Variants in WDR72 observed in about 807,000 individuals in gnomAD.
WDR72 encodes WD repeat-containing protein 72.
A neutral mutation model predicts 124.2 loss-of-function variants in WDR72; 120 were observed. That is an observed-to-expected ratio of 0.97 (90% CI 0.83 to 1.12). WDR72 has a LOEUF of 1.12. WDR72 is among the 50% of genes most tolerant of loss of function. WDR72 has a pLI of 0.00. For synonymous variants in WDR72, 452 were observed against 441.7 expected, an observed-to-expected ratio of 1.02 and a Z score of -0.29; for missense variants, 1,387 against 1,278.8, an observed-to-expected ratio of 1.08 and a Z score of -1.29.
At chr15:53,657,139 T>C (rs1200473251) in intron 14 of WDR72, among the ~76,000 whole-genome samples, 1 of 151,208 alleles carries the variant, frequency 6.6e-6, no homozygotes, top group East Asian at 1.9e-4. Flanking sequence ...TGGCATGCAC[T>C]TGTAGTCCCA....
intron 14 of WDR72, among the ~76,000 whole-genome samples, chr15:53,658,141 G>A (rs1276582159): frequency 6.6e-6 from 1 of 152,110 alleles, no homozygotes; most frequent in Non-Finnish European, 1.5e-5. Context: ...AACTAGAAAT[G>A]ATTTAAATAA....
chr15:53,667,950 A>G (rs1595833072), intron 13 of WDR72, among the ~76,000 whole-genome samples: 2 of 152,186 alleles, frequency 1.3e-5, no homozygotes, highest in Non-Finnish European at 2.9e-5. Flanking sequence ...TCATACACAG[A>G]TAATTAATCT....
intron 13 of WDR72, among the ~76,000 whole-genome samples, chr15:53,682,675 G>A (rs114482244): frequency 1.5e-3 from 228 of 152,140 alleles, no homozygotes; most frequent in African/African-American, 5.3e-3. Flanking sequence ...GGCAAAATAC[G>A]GCCAGACTCC....
chr15:53,680,209 A>C (rs1235178586), intron 13 of WDR72, among the ~76,000 whole-genome samples: 1 of 152,202 alleles, frequency 6.6e-6, no homozygotes, highest in Non-Finnish European at 1.5e-5. Flanking sequence ...ATATTAACTC[A>C]TGCATTTAGC....
intron 13 of WDR72, among the ~76,000 whole-genome samples, chr15:53,694,776 C>T (rs79861603): frequency 0.013 from 1,986 of 152,252 alleles, 32 homozygotes; most frequent in East Asian, 0.069. Context: ...CTATACCTGT[C>T]CTGCTTAACA....
intron 13 of WDR72, among the ~76,000 whole-genome samples, chr15:53,686,895 G>A (rs892815280): frequency 6.6e-6 from 1 of 151,764 alleles, no homozygotes; most frequent in Non-Finnish European, 1.5e-5. Context: ...CTAGAGCTCA[G>A]GATTAAGAAT....
chr15:53,719,847 T>C lies in WDR72; in HGVS notation c.260+2955A>G, dbSNP rs932550138. On this transcript the variant is annotated intron_variant, in intron 3 of 19. Coordinates refer to ENST00000360509, the MANE Select transcript of WDR72 (RefSeq NM_182758.4). ...CGCTCAGGATTGAGAAGCACTCACC[T>C]AGCGGCTTCCAAGTCCTGGTGCCCT... 4.6e-5 allele frequency among the ~76,000 whole-genome samples: 7 copies of C among 152,214 alleles called. 1 individual carries two copies. In the South Asian group the frequency reaches 1.4e-3, roughly 31 times the overall value.
intron 14 of WDR72, among the ~76,000 whole-genome samples, chr15:53,647,359 A>C (rs912838069): frequency 6.6e-6 from 1 of 152,104 alleles, no homozygotes; most frequent in Admixed American, 6.6e-5. Flanking sequence ...AATAAACAAT[A>C]CTAATACTGT....
intron 14 of WDR72, among the ~76,000 whole-genome samples, chr15:53,644,287 A>G (rs2014962694): frequency 6.6e-6 from 1 of 151,928 alleles, no homozygotes; most frequent in Non-Finnish European, 1.5e-5. Context: ...GCTTTAGTCT[A>G]TCTTTTCTTG....
At position 53,553,670 on chromosome 15, in the gene WDR72, G is replaced by C. The variant is rs779381287; in HGVS notation, c.3149-30348C>G. ...TATTAACAGCAAGGTGATTTTATGAGAATTTTCTAAAAATGGGAATGAACC... is the reference window on the plus strand; with the variant it reads ...TATTAACAGCAAGGTGATTTTATGACAATTTTCTAAAAATGGGAATGAACC... On this transcript the variant is annotated intron_variant, in intron 18 of 19. Coordinates refer to ENST00000360509, the MANE Select transcript of WDR72 (RefSeq NM_182758.4). Among the ~76,000 whole-genome samples, 13 of 152,220 alleles carry C rather than the reference G, an allele frequency of 8.5e-5. 1 individual carries two copies. Among genetic ancestry groups the C allele is most frequent in the Admixed American group, 1.3e-4 (2 of 15,284 alleles).
chr15:53,733,494 A>G (rs1266715605), intron 1 of WDR72, among the ~76,000 whole-genome samples: 2 of 152,178 alleles, frequency 1.3e-5, no homozygotes, highest in Non-Finnish European at 2.9e-5. Flanking sequence ...GCCTCTCAAG[A>G]AGCATAGAGC....
intron 18 of WDR72, among the ~76,000 whole-genome samples, chr15:53,571,043 GA>G (rs1253257688): frequency 6.6e-6 from 1 of 151,966 alleles, no homozygotes; most frequent in Non-Finnish European, 1.5e-5. Context: ...AACTCAAACA[GA>G]AAGCCAAATA....
intron 3 of WDR72, among the ~76,000 whole-genome samples, chr15:53,722,226 G>C (rs1395146863): frequency 6.6e-6 from 1 of 151,710 alleles, no homozygotes; most frequent in East Asian, 1.9e-4. Context: ...ATAGAGTCAG[G>C]GTTTCGTCAC....
chr15:53,650,176 T>C lies in WDR72; in HGVS notation c.1962+15396A>G, dbSNP rs1431505675. Among the ~76,000 whole-genome samples, 20 of 152,122 alleles carry C rather than the reference T, an allele frequency of 1.3e-4. 1 individual carries two copies. The highest frequency in any genetic ancestry group is 1.3e-3 in the Admixed American group (20 of 15,270). On this transcript the variant is annotated intron_variant, in intron 14 of 19. Transcript: ENST00000360509. ...CCTTGCAGACATATGCTAAGTGAAA[T>C]AAGCAGTCACAGAAAGACAAATATT...
At chr15:53,709,721 C>A (rs549448671) in intron 9 of WDR72, among the ~76,000 whole-genome samples, 1 of 152,140 alleles carries the variant, frequency 6.6e-6, no homozygotes, top group Non-Finnish European at 1.5e-5. Flanking sequence ...TGATGCATGC[C>A]GTAATTATAA....
chr15:53,523,219 TG>T lies in WDR72; in HGVS notation c.3251del (p.Pro1084GlnfsTer10). The T allele has an allele frequency of 6.2e-7, 1 of 1,612,788 alleles. No individual in the cohort carries two copies. Among genetic ancestry groups the T allele is most frequent in the East Asian group, 2.2e-5 (1 of 44,840 alleles). On this transcript the variant is annotated frameshift_variant and splice_region_variant, in exon 19 of 20. Coordinates refer to ENST00000360509, the MANE Select transcript of WDR72 (RefSeq NM_182758.4). LOFTEE classifies it high-confidence loss of function. The stretch of plus-strand genomic sequence containing the variant: ...TGACTATTTTTAAATGGCTTTCACC[TG>T]GACTCTCAGACTCTTCCAAGGCACA... ...DRCALEESES[P>X]GEPRHHSWIA...
chr15:53,603,266 G>A (rs1349888323), intron 17 of WDR72, among the ~76,000 whole-genome samples: 1 of 151,884 alleles, frequency 6.6e-6, no homozygotes, highest in African/African-American at 2.4e-5. Context: ...AAGCAGAAAA[G>A]GCTCTCAATA....
rs780656028 is a variant in WDR72, at chr15:53,733,101, G to A, written c.49C>T (p.Pro17Ser). Residue 17 changes from proline to serine, a missense_variant, in exon 2 of 20, where the codon CCC becomes TCC. Coordinates refer to ENST00000360509, the MANE Select transcript of WDR72 (RefSeq NM_182758.4). ...AVALWGQKAP[P>S]HSITAIMITD... Reference sequence around the variant, plus strand: ...ATCATGATGGCAGTGATGCTGTGGGGAGGGGCCTTCTGTCCCCAGAGTGCC... The same window carrying A: ...ATCATGATGGCAGTGATGCTGTGGGAAGGGGCCTTCTGTCCCCAGAGTGCC... 8.1e-6 allele frequency: 13 copies of A among 1,613,936 alleles called. No individual in the cohort carries two copies. Among genetic ancestry groups the A allele is most frequent in the Admixed American group, 1.7e-5 (1 of 59,994 alleles).
chr15:53,758,091 G>A (rs2018961910), intron 1 of WDR72, among the ~76,000 whole-genome samples: 2 of 151,444 alleles, frequency 1.3e-5, no homozygotes, highest in South Asian at 2.1e-4. Flanking sequence ...CTGCAATCTC[G>A]ACCTCTCAGG....
Sources: allele counts gnomAD v4.1 joint callset (sites outside exome capture counted in the v4.1 genomes callset), GRCh38; gene constraint gnomAD v4.1.1; transcripts MANE v1.5; gene names NCBI Gene and HGNC (gene_info 2026-07-23, HGNC 2026-07-21).